LMO7: variants seen among roughly 807,000 people sequenced by gnomAD.
LMO7 encodes the protein LIM domain only protein 7.
In LMO7, 120 loss-of-function variants were observed where a neutral mutation model predicts 206.5. The observed-to-expected ratio is 0.58, with a 90% CI of 0.50 to 0.68. The LOEUF (loss-of-function observed/expected upper bound fraction) is 0.68. LMO7 is among the 30% of genes least tolerant of loss of function. The probability of loss-of-function intolerance (pLI) is 0.00; values close to 1 mark genes in which losing one functional copy is unlikely to be tolerated. For synonymous variants in LMO7, 706 were observed against 681.5 expected (o/e 1.04, Z -0.56); for missense variants, 1,959 against 1,957.9 (o/e 1.00, Z -0.01).
intron 24 of LMO7, 140 bp downstream of exon 24, chr13:75,842,123 A>G (rs1411574970): frequency 3.1e-6 from 2 of 644,356 alleles, no homozygotes; most frequent in East Asian, 2.7e-5. Context: ...CCTTTAAATC[A>G]TAAACCCTGC....
intron 1 of LMO7, among the ~76,000 whole-genome samples, chr13:75,647,951 C>CTTTTTTTTTT (rs570513211): frequency 0.011 from 1,036 of 91,024 alleles, 33 homozygotes; most frequent in East Asian, 0.018. Flanking sequence ...TCTTTTCTTT[C>CTTTTTTTTTT]TTTTTTTTTT....
intron 29 of LMO7, 61 bp downstream of exon 29, chr13:75,855,429 C>A: frequency 9.8e-7 from 1 of 1,015,818 alleles, no homozygotes. Context: ...CGCATGGCTG[C>A]TTTGAGCCGC....
intron 1 of LMO7, among the ~76,000 whole-genome samples, chr13:75,649,348 T>G (rs1008674832): frequency 6.6e-6 from 1 of 152,092 alleles, no homozygotes; most frequent in African/African-American, 2.4e-5. Context: ...GGGGCGGTGA[T>G]GGTCAAAAAG....
intron 1 of LMO7, among the ~76,000 whole-genome samples, chr13:75,702,363 G>A (rs997052315): frequency 1.2e-4 from 18 of 152,134 alleles, no homozygotes; most frequent in African/African-American, 4.3e-4. Flanking sequence ...CAGGCAGAAG[G>A]GTAGGAGAAA....
intron 18 of LMO7, 21 bp downstream of exon 18, chr13:75,835,360 G>A: frequency 6.6e-7 from 1 of 1,522,748 alleles, no homozygotes; most frequent in Non-Finnish European, 9.0e-7. Flanking sequence ...GGAGAAGTAG[G>A]AAGTACTGGT....
intron 3 of LMO7, among the ~76,000 whole-genome samples, chr13:75,741,287 G>A (rs900415401): frequency 2.6e-5 from 4 of 152,084 alleles, no homozygotes; most frequent in Non-Finnish European, 5.9e-5. Context: ...AACAAAAACG[G>A]AGTATTTTTT....
At position 75,757,790 on chromosome 13, in the gene LMO7, CTGTGTGTGTGTG is replaced by C. The variant is rs57536883; in HGVS notation, c.211-3102_211-3091del. ...TAGATACATTTAGGGCTCATTGTTT[CTGTGTGTGTGTG>C]TGTGTGTGTGTGTGTGTGTGTGTGT... On this transcript the variant is annotated intron_variant, in intron 3 of 30. Transcript: ENST00000377534. Among the ~76,000 whole-genome samples the C allele has an allele frequency of 4.2e-3, 609 of 143,542 alleles. 1 individual carries two copies. The highest frequency in any genetic ancestry group is 0.012 in the African/African-American group (471 of 39,736). The allele number at this position is 143,542 out of a possible 152,430, so 94.2% of individuals were successfully genotyped here.
Position 75,821,743 on chromosome 13 carries a change from A to G in LMO7, c.2640+134A>G, listed in dbSNP as rs1160811891. ...ATATAAGGACATTTTATTTTATGCC[A>G]GTTTAGATGCAATGGAAACTTAATG... On this transcript the variant is annotated intron_variant, in intron 14 of 30. Coordinates refer to ENST00000377534, the MANE Select transcript of LMO7 (RefSeq NM_001306080.2). 9.8e-4 allele frequency: 592 copies of G among 601,094 alleles called. 6 individuals carry two copies. Among genetic ancestry groups the G allele is most frequent in the Non-Finnish European group, 3.2e-5 (11 of 339,428 alleles). The allele number at this position is 601,094 out of a possible 1,614,324, so 37.2% of individuals were successfully genotyped here.
At chr13:75,802,932 G>A (rs2054953812) in intron 7 of LMO7, among the ~76,000 whole-genome samples, 1 of 152,018 alleles carries the variant, frequency 6.6e-6, no homozygotes, top group African/African-American at 2.4e-5. Flanking sequence ...TGATACTTTG[G>A]GGGAAAAAAT....
intron 2 of LMO7, among the ~76,000 whole-genome samples, chr13:75,626,595 A>ATATATATTTTTTTTTTTTTTT: frequency 1.4e-4 from 10 of 71,178 alleles, no homozygotes; most frequent in East Asian, 5.9e-4. Flanking sequence ...ATATATATAA[A>ATATATATTTTTTTTTTTTTTT]TTTTTTTGAG....
At position 75,663,433 on chromosome 13, in the gene LMO7, T is replaced by TTTC. The variant is rs1491411815; in HGVS notation, c.69+26709_69+26710insCTT. On this transcript the variant is annotated intron_variant, in intron 1 of 30. Transcript: ENST00000377534. ...TTTTCTTTCTTTCTTTCTTTCTTTC[T>TTTC]TTTTTTTTTTTTTTTGAGACGGAGC... is the stretch of plus-strand genomic sequence containing the variant. Among the ~76,000 whole-genome samples the TTTC allele has an allele frequency of 2.9e-3, 139 of 47,290 alleles. 1 individual carries two copies. The highest frequency in any genetic ancestry group is 1.0e-3 in the Admixed American group (3 of 2,860). 31.0% of individuals were successfully genotyped at this position (47,290 alleles called of 152,430 possible). A position where few individuals can be genotyped will look rare whatever the true frequency, so the allele number is the denominator to read the frequency against.
upstream of LMO7, among the ~76,000 whole-genome samples, chr13:75,633,929 C>T (rs755072875): frequency 1.4e-5 from 2 of 145,934 alleles, no homozygotes; most frequent in Non-Finnish European, 3.0e-5. Context: ...CTTACTGCAC[C>T]CTCTGACTCC....
At chr13:75,684,277 A>G (rs2040791433) in intron 1 of LMO7, among the ~76,000 whole-genome samples, 1 of 152,158 alleles carries the variant, frequency 6.6e-6, no homozygotes, top group Non-Finnish European at 1.5e-5. Context: ...CTTGTCTCCC[A>G]GGCTAGAGTG....
intron 26 of LMO7, among the ~76,000 whole-genome samples, chr13:75,847,409 T>G (rs1435030775): frequency 1.3e-5 from 2 of 152,220 alleles, no homozygotes; most frequent in Non-Finnish European, 2.9e-5. Context: ...CTTCTTAGAG[T>G]AGAAGCAAGT....
intron 3 of LMO7, among the ~76,000 whole-genome samples, chr13:75,744,458 CTG>C (rs1177068387): frequency 6.6e-6 from 1 of 152,098 alleles, no homozygotes; most frequent in Non-Finnish European, 1.5e-5. Context: ...TAAAGCAACA[CTG>C]TAATTAACTT....
At chr13:75,708,829 G>A (rs189469837) in intron 1 of LMO7, among the ~76,000 whole-genome samples, 2 of 151,598 alleles carry the variant, frequency 1.3e-5, no homozygotes, top group Admixed American at 1.3e-4. Flanking sequence ...TAAGTTTTAG[G>A]GTACATGTGC....
upstream of LMO7, chr13:75,636,245 C>T (rs1422593842): frequency 3.3e-6 from 3 of 906,052 alleles, no homozygotes; most frequent in East Asian, 1.5e-4. Context: ...AGCGGCGACT[C>T]GGCGGGCCCC....
rs71679029 is a variant in LMO7 at position 75,712,928 on chromosome 13, GATTA to G, written c.70-253_70-250del. Among the ~76,000 whole-genome samples the G allele has an allele frequency of 1.0e-2, 1,340 of 134,620 alleles. 24 individuals carry two copies. The highest frequency in any genetic ancestry group is 0.041 in the African/African-American group (1,237 of 29,960). 88.3% of individuals were successfully genotyped at this position (134,620 alleles called of 152,430 possible). On this transcript the variant is annotated intron_variant, in intron 1 of 30. Coordinates refer to ENST00000377534, the MANE Select transcript of LMO7 (RefSeq NM_001306080.2). ...TCTTTTGTGTATCATCCAATAAAAT[GATTA>G]TATTACTGAAAACACTCATTGTAAT...
rs752906491 is a variant in LMO7, at chr13:75,760,733, CTG to C, written c.211-195_211-194del. 3.7e-5 allele frequency: 57 copies of C among 1,535,150 alleles called. No homozygotes were observed. The Admixed American group carries it at 3.9e-4, about 11-fold the overall frequency. ...TATGCCCGGGCATAAGATAGCACGA[CTG>C]TGTATGCTCTGGAGGACTGAAAGGC... On this transcript the variant is annotated intron_variant, in intron 3 of 30. Transcript: ENST00000377534.
Sources: allele counts gnomAD v4.1 joint callset (sites outside exome capture counted in the v4.1 genomes callset), GRCh38; gene constraint gnomAD v4.1.1; transcripts MANE v1.5; gene names NCBI Gene and HGNC (gene_info 2026-07-23, HGNC 2026-07-21).